The following ACSM4 variants were observed in gnomAD, a reference collection of about 807,000 sequenced individuals.
ACSM4 encodes acyl-coenzyme A synthetase ACSM4, mitochondrial.
In ACSM4, 66 loss-of-function variants were observed where a neutral mutation model predicts 73.0. The observed-to-expected ratio is 0.90, with a 90% CI of 0.74 to 1.11. The LOEUF (loss-of-function observed/expected upper bound fraction) is 1.11, where lower values mean the gene tolerates loss of function less well. Among genes scored for constraint, ACSM4 ranks in the 50% least tolerant of loss-of-function variants. The pLI, the probability that ACSM4 is intolerant of heterozygous loss-of-function variation, is 0.00. For missense variants in ACSM4, 645 were observed against 714.4 expected (o/e 0.90, Z 1.11); for synonymous variants, 222 against 254.0 (o/e 0.87, Z 1.20).
Position 7,317,275 on chromosome 12 carries a change from C to A in ACSM4, c.759C>A (p.Cys253Ter), listed in dbSNP as rs200562081. 2 of 1,561,998 alleles carry A rather than the reference C, an allele frequency of 1.3e-6. No homozygotes were observed. The highest frequency in any genetic ancestry group is 4.7e-5 in the East Asian group (2 of 42,162). The change falls in exon 4 of 13, where the codon TGC (cysteine) becomes TGA (stop). Residue 253 changes from cysteine (C) to a stop codon, truncating the protein, a stop_gained. Transcript: ENST00000399422. LOFTEE classifies it high-confidence loss of function. The stretch of plus-strand genomic sequence containing the variant: ...GCCTCGGCATTGGGTTCACCCTCTG[C>A]GGAAGGTAGGGAAGAAAATTCAGTT... ...QSSLGIGFTLCGRYWLDLKSS... is the reference protein window; with the variant it reads ...QSSLGIGFTL
intron 5 of ACSM4, among the ~76,000 whole-genome samples, chr12:7,319,294 C>G (rs768857317): frequency 6.6e-6 from 1 of 152,042 alleles, no homozygotes; most frequent in African/African-American, 2.4e-5. Flanking sequence ...GGTGGTAATG[C>G]GGGCAATGGG....
chr12:7,318,951 T>C (rs1946440589), intron 5 of ACSM4, among the ~76,000 whole-genome samples: 1 of 152,210 alleles, frequency 6.6e-6, no homozygotes, highest in South Asian at 2.1e-4. Context: ...AAGACAATTT[T>C]CCCATGGACT....
intron 11 of ACSM4, among the ~76,000 whole-genome samples, chr12:7,325,236 G>T (rs1249136127): frequency 6.6e-6 from 1 of 152,196 alleles, no homozygotes; most frequent in Non-Finnish European, 1.5e-5. Context: ...ATACTCCATA[G>T]GAAAATTAGT....
At chr12:7,322,213 T>C (rs1946468804) in intron 6 of ACSM4, among the ~76,000 whole-genome samples, 1 of 152,170 alleles carries the variant, frequency 6.6e-6, no homozygotes, top group Admixed American at 6.5e-5. Context: ...CTGTCAGGAA[T>C]TTTCGTTATA....
intron 3 of ACSM4, among the ~76,000 whole-genome samples, chr12:7,313,017 C>T (rs1489109988): frequency 1.3e-5 from 2 of 152,014 alleles, no homozygotes; most frequent in East Asian, 1.9e-4. Context: ...ATAAGTAAAA[C>T]GATACAATTG....
rs757065528 is a variant in ACSM4, at chr12:7,328,288, T to TG, written c.1660dup (p.Glu554GlyfsTer30). 6 of 1,579,266 alleles carry TG rather than the reference T, an allele frequency of 3.8e-6. No individual in the cohort carries two copies. In the African/African-American group the frequency reaches 8.1e-5, roughly 21 times the overall value. On this transcript the variant is annotated frameshift_variant and splice_region_variant, in exon 13 of 13. Transcript: ENST00000399422. LOFTEE classifies it high-confidence loss of function. ...ATCACGTTTTTTTCTGTCAATTAGG[T>TG]GGAATTTGTTCAAGAACTCCCAAAG...
chr12:7,323,612 T>G, intron 9 of ACSM4, 52 bp downstream of exon 9: 1 of 1,497,000 alleles, frequency 6.7e-7, no homozygotes, highest in Non-Finnish European at 9.3e-7. Flanking sequence ...GGGTTCAAAT[T>G]TCATTTCCAC....
intron 5 of ACSM4, among the ~76,000 whole-genome samples, chr12:7,320,368 T>C (rs1946451775): frequency 6.6e-6 from 1 of 152,218 alleles, no homozygotes; most frequent in South Asian, 2.1e-4. Flanking sequence ...ATACTATCCA[T>C]GAATATATTG....
chr12:7,306,265 C>A (rs920304326), intron 1 of ACSM4, among the ~76,000 whole-genome samples: 2 of 152,052 alleles, frequency 1.3e-5, no homozygotes, highest in African/African-American at 4.8e-5. Context: ...TCTCAGAAAA[C>A]CAAAAAGTCC....
intron 5 of ACSM4, among the ~76,000 whole-genome samples, chr12:7,319,797 G>A (rs1027318557): frequency 6.6e-6 from 1 of 151,996 alleles, no homozygotes; most frequent in South Asian, 2.1e-4. Context: ...TTTACAAAGT[G>A]CCCTAAAGTT....
At position 7,304,530 on chromosome 12, in the gene ACSM4, A is replaced by G; in HGVS notation, c.199A>G (p.Lys67Glu). 1 of 1,612,998 alleles carries G rather than the reference A, an allele frequency of 6.2e-7. No individual in the cohort carries two copies. Among genetic ancestry groups the G allele is most frequent in the South Asian group, 1.1e-5 (1 of 91,050 alleles). The change falls in exon 1 of 13, where the codon AAG (lysine) becomes GAG (glutamate). Residue 67 changes from lysine to glutamate, a missense_variant and splice_region_variant. Physicochemically the swap from Lys to Glu is moderately conservative, Grantham distance 56 (BLOSUM62 1). Transcript: ENST00000399422. ...DVLDQWSQKE[K>E]TGERPANPAL... ...GCTGGACCAGTGGTCCCAAAAGGAG[A>G]AGGTATATGACGATGGGCTTCCAGT...
intron 1 of ACSM4, among the ~76,000 whole-genome samples, chr12:7,305,321 G>C (rs1946356101): frequency 6.6e-6 from 1 of 152,074 alleles, no homozygotes; most frequent in African/African-American, 2.4e-5. Flanking sequence ...GGTAATAATT[G>C]TCCAATAATG....
intron 6 of ACSM4, among the ~76,000 whole-genome samples, 159 bp downstream of exon 6, chr12:7,320,963 A>G (rs1946459008): frequency 6.6e-6 from 1 of 152,188 alleles, no homozygotes; most frequent in African/African-American, 2.4e-5. Context: ...GGTCGTATGC[A>G]TTACAGAATG....
Position 7,310,547 on chromosome 12 carries a change from T to A in ACSM4, c.421T>A (p.Phe141Ile), listed in dbSNP as rs757299369. The change falls in exon 3 of 13, where the codon TTC becomes ATC. Residue 141 changes from phenylalanine (F) to isoleucine (I), a missense_variant. Transcript: ENST00000399422. ...NVACIRTGII[F>I]MPGTIQLTAK... ...CCCTCTGTCCTTCCCAGGGATCATC[T>A]TCATGCCGGGAACAATCCAGCTGAC... The A allele has an allele frequency of 1.2e-6, 2 of 1,605,156 alleles. No homozygotes were observed. The highest frequency in any genetic ancestry group is 4.5e-5 in the East Asian group (2 of 44,564).
chr12:7,305,714 C>T (rs1417576732), intron 1 of ACSM4, among the ~76,000 whole-genome samples: 3 of 152,094 alleles, frequency 2.0e-5, no homozygotes, highest in Non-Finnish European at 4.4e-5. Flanking sequence ...TGAAGGAACA[C>T]AGAGAAGTTA....
rs12303586 is a variant in ACSM4 at position 7,315,874 on chromosome 12, C to G, written c.621-1263C>G. ...ACCTTTAAGTCAGGCTGGCTGCCAG[C>G]TGAAGCACCTCAGTTTTCCTGCACA... On this transcript the variant is annotated intron_variant, in intron 3 of 12. Transcript: ENST00000399422. Among the ~76,000 whole-genome samples the G allele has an allele frequency of 7.5e-3, 1,147 of 152,266 alleles. 15 individuals are homozygous for G. Among genetic ancestry groups the G allele is most frequent in the African/African-American group, 0.026 (1,088 of 41,530 alleles).
At chr12:7,318,885 A>C (rs970500357) in intron 5 of ACSM4, among the ~76,000 whole-genome samples, 1 of 152,230 alleles carries the variant, frequency 6.6e-6, no homozygotes, top group Non-Finnish European at 1.5e-5. Flanking sequence ...TGGTCTGACA[A>C]GATGGTTTAA....
chr12:7,314,589 ATAGG>A (rs1008109733), intron 3 of ACSM4, among the ~76,000 whole-genome samples: 1 of 151,916 alleles, frequency 6.6e-6, no homozygotes, highest in Non-Finnish European at 1.5e-5. Context: ...TAGATGAAAG[ATAGG>A]TAGGTAGATA....
chr12:7,310,098 G>A (rs1304806747), intron 2 of ACSM4, among the ~76,000 whole-genome samples: 1 of 152,146 alleles, frequency 6.6e-6, no homozygotes, highest in Non-Finnish European at 1.5e-5. Flanking sequence ...GAGACCATTG[G>A]TTTAGAGAAT....
Sources: allele counts gnomAD v4.1 joint callset (sites outside exome capture counted in the v4.1 genomes callset), GRCh38; gene constraint gnomAD v4.1.1; transcripts MANE v1.5; gene names NCBI Gene and HGNC (gene_info 2026-07-23, HGNC 2026-07-21).